Variants in ESRRG observed in about 807,000 individuals in gnomAD.
ESRRG encodes the protein estrogen-related receptor gamma.
In ESRRG, 13 loss-of-function variants were observed where a neutral mutation model predicts 44.0. The ratio of observed to expected loss-of-function variants is 0.30; its 90% CI spans 0.19 to 0.47. The LOEUF (loss-of-function observed/expected upper bound fraction) is 0.47. Ranked by LOEUF, ESRRG falls within the 20% of genes least tolerant of loss-of-function variation. ESRRG has a pLI of 1.00. For missense variants in ESRRG, 395 were observed against 580.6 expected, an observed-to-expected ratio of 0.68 and a Z score of 3.29; for synonymous variants, 215 against 214.6, an observed-to-expected ratio of 1.00 and a Z score of -0.02.
intron 1 of ESRRG, among the ~76,000 whole-genome samples, chr1:216,983,693 T>C (rs1442790501): frequency 3.5e-5 from 2 of 56,830 alleles, no homozygotes; most frequent in Non-Finnish European, 6.0e-5. Context: ...TGCATGTGTG[T>C]GTGTGTGTGT....
At chr1:217,036,593 T>C (rs1388639661) in intron 1 of ESRRG, among the ~76,000 whole-genome samples, 1 of 152,130 alleles carries the variant, frequency 6.6e-6, no homozygotes, top group East Asian at 1.9e-4. Context: ...TACTCTCACT[T>C]ACAAGTGGGA....
chr1:217,127,969 G>T (rs2092913387), intron 1 of ESRRG, among the ~76,000 whole-genome samples: 1 of 152,198 alleles, frequency 6.6e-6, no homozygotes, highest in Non-Finnish European at 1.5e-5. Flanking sequence ...TAAGGAAAGA[G>T]AATTTCCCTT....
intron 1 of ESRRG, among the ~76,000 whole-genome samples, chr1:217,110,759 T>A (rs2092652753): frequency 6.6e-6 from 1 of 152,102 alleles, no homozygotes; most frequent in Non-Finnish European, 1.5e-5. Flanking sequence ...ACATCCCACC[T>A]CCAGCACTGG....
At chr1:216,634,243 T>G (rs1036757659) in intron 3 of ESRRG, among the ~76,000 whole-genome samples, 12 of 152,190 alleles carry the variant, frequency 7.9e-5, no homozygotes, top group Admixed American at 3.3e-4. Flanking sequence ...TACTTTCAAC[T>G]CTTAGATACT....
chr1:216,904,155 T>A (rs931178047), intron 2 of ESRRG, among the ~76,000 whole-genome samples: 4 of 152,144 alleles, frequency 2.6e-5, no homozygotes, highest in African/African-American at 9.7e-5. Flanking sequence ...TGAAAATTCA[T>A]CAGAAGGCTA....
chr1:217,039,886 T>G (rs1280925087), intron 1 of ESRRG, among the ~76,000 whole-genome samples: 2 of 151,756 alleles, frequency 1.3e-5, no homozygotes, highest in African/African-American at 4.8e-5. Flanking sequence ...ATTGTAGTAT[T>G]CTATACACAG....
intron 1 of ESRRG, among the ~76,000 whole-genome samples, chr1:216,981,625 T>C (rs1296121449): frequency 6.6e-6 from 1 of 152,162 alleles, no homozygotes; most frequent in African/African-American, 2.4e-5. Context: ...AATTAATTTA[T>C]TGGTTCAAAT....
intron 2 of ESRRG, among the ~76,000 whole-genome samples, chr1:216,770,655 T>A (rs1205945797): frequency 6.6e-6 from 1 of 152,122 alleles, no homozygotes; most frequent in East Asian, 1.9e-4. Context: ...TTAAGCATAA[T>A]ACATGATACT....
intron 1 of ESRRG, among the ~76,000 whole-genome samples, chr1:216,990,046 C>T (rs1162530756): frequency 2.0e-5 from 3 of 152,028 alleles, no homozygotes; most frequent in African/African-American, 4.8e-5. Flanking sequence ...AGAAATTCTC[C>T]GTTATACCCA....
chr1:216,840,358 AAG>A (rs1489022916), intron 2 of ESRRG, among the ~76,000 whole-genome samples: 3 of 152,276 alleles, frequency 2.0e-5, no homozygotes, highest in African/African-American at 7.2e-5. Context: ...CACAGAATTG[AAG>A]AGAGTTAAGA....
At position 216,682,677 on chromosome 1, in the gene ESRRG, T is replaced by C. The variant is rs148495081; in HGVS notation, c.57-5186A>G. 3.3e-3 allele frequency among the ~76,000 whole-genome samples: 494 copies of C among 149,450 alleles called. 1 individual carries two copies. Among genetic ancestry groups the C allele is most frequent in the African/African-American group, 0.012 (486 of 41,024 alleles). On this transcript the variant is annotated intron_variant, in intron 1 of 6. Transcript: ENST00000408911. Reference sequence around the variant, plus strand: ...CAGATTAAATATTTAAGTATTTGTGTTTTAAAAAATAAAAAGCTCTTAATA... The same window carrying C: ...CAGATTAAATATTTAAGTATTTGTGCTTTAAAAAATAAAAAGCTCTTAATA...
intron 2 of ESRRG, among the ~76,000 whole-genome samples, chr1:216,904,364 T>C (rs1187334463): frequency 6.6e-6 from 1 of 152,182 alleles, no homozygotes; most frequent in Non-Finnish European, 1.5e-5. Flanking sequence ...GACAAGTAGT[T>C]TCATCAAACC....
chr1:216,662,469 AAAC>A (rs2072742881), intron 2 of ESRRG, among the ~76,000 whole-genome samples: 1 of 152,176 alleles, frequency 6.6e-6, no homozygotes, highest in Non-Finnish European at 1.5e-5. Flanking sequence ...AAAGCCCAGA[AAAC>A]AATGGAAGCT....
intron 1 of ESRRG, among the ~76,000 whole-genome samples, chr1:216,941,664 T>C (rs529453714): frequency 1.3e-5 from 2 of 151,738 alleles, no homozygotes; most frequent in East Asian, 3.9e-4. Flanking sequence ...CAAAATGCAG[T>C]ATACATTTCC....
At chr1:216,958,787 CTCTTCA>C (rs1282663786) in intron 1 of ESRRG, among the ~76,000 whole-genome samples, 2 of 152,114 alleles carry the variant, frequency 1.3e-5, no homozygotes, top group Admixed American at 1.3e-4. Context: ...TCTGCTTAGA[CTCTTCA>C]TTATCCTGGT....
chr1:216,644,121 A>G (rs1303135253), intron 3 of ESRRG, among the ~76,000 whole-genome samples: 3 of 152,142 alleles, frequency 2.0e-5, no homozygotes, highest in African/African-American at 7.2e-5. Context: ...TCCTTATCTG[A>G]CTAATGAGAA....
Position 217,134,273 on chromosome 1 carries a change from G to A in ESRRG, c.-230+3394C>T, listed in dbSNP as rs140885195. ...ATGGCACCGACACAGACTGGCGCTG[G>A]ATCTTCTCTCCCTGCTAATCTATCC... On this transcript the variant is annotated intron_variant, in intron 1 of 8. Coordinates refer to the ESRRG transcript ENST00000366940. Among the ~76,000 whole-genome samples, 394 of 152,210 alleles carry A rather than the reference G, an allele frequency of 2.6e-3. 4 individuals carry two copies. The highest frequency in any genetic ancestry group is 0.014 in the Middle Eastern group (4 of 294).
intron 5 of ESRRG, among the ~76,000 whole-genome samples, chr1:216,524,230 C>CATATAT (rs200660943): frequency 1.5e-5 from 2 of 134,620 alleles, no homozygotes; most frequent in African/African-American, 5.7e-5. Flanking sequence ...TATATATATA[C>CATATAT]ATATATATAT....
At chr1:216,596,487 G>A (rs1343002803) in intron 3 of ESRRG, among the ~76,000 whole-genome samples, 1 of 152,156 alleles carries the variant, frequency 6.6e-6, no homozygotes, top group Non-Finnish European at 1.5e-5. Flanking sequence ...ATACTCCTCC[G>A]CTAGCTTCAC....
Sources: gnomAD v4.1 joint callset for allele counts (sites outside exome capture counted in the v4.1 genomes callset) on GRCh38, gnomAD v4.1.1 for gene constraint, MANE v1.5 for transcripts, NCBI Gene and HGNC (gene_info 2026-07-23, HGNC 2026-07-21) for gene names.